KHSRP: variants seen among roughly 807,000 people sequenced by gnomAD.
The protein encoded by KHSRP is KH-type splicing regulatory protein.
KHSRP carries 13 observed loss-of-function variants against 94.9 expected under a neutral mutation model. The ratio of observed to expected loss-of-function variants is 0.14; its 90% CI spans 0.09 to 0.22. The LOEUF (loss-of-function observed/expected upper bound fraction) is 0.22. KHSRP is among the 10% of genes least tolerant of loss of function. KHSRP has a pLI of 1.00. For synonymous variants in KHSRP, 495 were observed against 401.4 expected (o/e 1.23, Z -2.79); for missense variants, 710 against 1,010.0 (o/e 0.70, Z 4.03).
chr19:6,414,788 T>G lies in KHSRP; in HGVS notation c.*236A>C. On this transcript the variant is annotated 3_prime_UTR_variant, in exon 19 of 19. Coordinates refer to ENST00000600480, the MANE Select transcript of KHSRP (RefSeq NM_001366299.1). ...AGTGGCCAGATTGTGAGCGAGGTGG[T>G]GGCGGCCGGGCCGGTGCCCACCGTC... is the stretch of plus-strand genomic sequence containing the variant. 8.7e-7 allele frequency: 1 copy of G among 1,146,720 alleles called. No individual in the cohort carries two copies. The highest frequency in any genetic ancestry group is 1.1e-6 in the Non-Finnish European group (1 of 932,796). The allele number at this position is 1,146,720 out of a possible 1,614,324, so 71.0% of individuals were successfully genotyped here.
chr19:6,420,253 C>G (rs968790256), intron 5 of KHSRP, 109 bp from the exon 6 acceptor site: 1 of 1,161,456 alleles, frequency 8.6e-7, no homozygotes, highest in African/African-American at 1.5e-5. Flanking sequence ...AGGAGGGCAG[C>G]AGTCCTCTAG....
Position 6,418,621 on chromosome 19 carries a change from A to G in KHSRP, c.781-40T>C, listed in dbSNP as rs773218741. 2 of 1,613,082 alleles carry G rather than the reference A, an allele frequency of 1.2e-6. No homozygotes were observed. On this transcript the variant is annotated intron_variant, in intron 8 of 18. Coordinates refer to ENST00000600480, the MANE Select transcript of KHSRP (RefSeq NM_001366299.1). The surrounding 1 kb of genome is among the most constrained non-coding windows in gnomAD (Gnocchi z 4.3). ...TTAACCGTTAGTGCTGGGCTCTCCC[A>G]GGACTTCCTGGGCTGCTGTGGTGGT...
intron 2 of KHSRP, 129 bp downstream of exon 2, chr19:6,422,211 C>T (rs531854709): frequency 8.6e-5 from 54 of 625,906 alleles, no homozygotes; most frequent in South Asian, 8.5e-4. Context: ...TTAACAAGGC[C>T]GGGATTGCTG....
rs1435762120 is a variant in KHSRP at position 6,413,317 on chromosome 19, G to C, written c.*1707C>G. The C allele has an allele frequency of 3.6e-6, 1 of 281,538 alleles. No homozygotes were observed. The highest frequency in any genetic ancestry group is 1.4e-4 in the East Asian group (1 of 7,324). The allele number at this position is 281,538 out of a possible 1,614,324, so 17.4% of individuals were successfully genotyped here. A position where few individuals can be genotyped will look rare whatever the true frequency, so the allele number is the denominator to read the frequency against. The stretch of plus-strand genomic sequence containing the variant: ...TCAAAACTACAGGGAGGGAAGGAAA[G>C]GGGGGGAGACAGACAGCACCCGCAG... On this transcript the variant is annotated 3_prime_UTR_variant, in exon 19 of 19. Coordinates refer to ENST00000600480, the MANE Select transcript of KHSRP (RefSeq NM_001366299.1).
Position 6,418,958 on chromosome 19 carries a change from G to T in KHSRP, c.606-82C>A. ...TCTGGTGGCCCACCCAGCTCAAAGG[G>T]AAGGCGACCCCAGAGTGTGCAAGGA... On this transcript the variant is annotated intron_variant, in intron 7 of 18. Coordinates refer to ENST00000600480, the MANE Select transcript of KHSRP (RefSeq NM_001366299.1). The surrounding 1 kb of genome is among the most constrained non-coding windows in gnomAD (Gnocchi z 4.3). 7.2e-7 allele frequency: 1 copy of T among 1,383,530 alleles called. No individual in the cohort carries two copies. 85.7% of individuals were successfully genotyped at this position (1,383,530 alleles called of 1,614,324 possible). A position where few individuals can be genotyped will look rare whatever the true frequency, so the allele number is the denominator to read the frequency against.
rs1364837747 is a variant in KHSRP at position 6,416,895 on chromosome 19, A to T, written c.1183-13T>A. Reference sequence around the variant, plus strand: ...CTGGGGGACCACTCTGCAAGACAAGAGGAGGAGGAGGATGATGAACCCTGG... The same window carrying T: ...CTGGGGGACCACTCTGCAAGACAAGTGGAGGAGGAGGATGATGAACCCTGG... On this transcript the variant is annotated splice_polypyrimidine_tract_variant and intron_variant, in intron 12 of 18. Transcript: ENST00000600480. 1 of 1,607,908 alleles carries T rather than the reference A, an allele frequency of 6.2e-7. No individual in the cohort carries two copies. The highest frequency in any genetic ancestry group is 8.5e-7 in the Non-Finnish European group (1 of 1,177,654).
rs551924834 is a variant in KHSRP, at chr19:6,416,378, T to A, written c.1518A>T (p.Pro506=). The part of the protein sequence containing the change: ...EGPLCPVGPG[P]GGPGPAGPMG... ...TTGGGCCAGCAGGGCCTGGGCCACCTGGGCCTGGTCCAACTGGGCAGAGAG... is the reference window on the plus strand; with the variant it reads ...TTGGGCCAGCAGGGCCTGGGCCACCAGGGCCTGGTCCAACTGGGCAGAGAG... The change falls in exon 15 of 19, where the codon CCA becomes CCT. Residue 506 remains proline, a synonymous_variant. Transcript: ENST00000600480. The A allele has an allele frequency of 2.9e-5, 47 of 1,612,768 alleles. No homozygotes were observed. Among genetic ancestry groups the A allele is most frequent in the Non-Finnish European group, 3.9e-5 (46 of 1,179,548 alleles).
Position 6,416,656 on chromosome 19 carries a change from G to A in KHSRP, c.1328-6C>T, listed in dbSNP as rs751773127. Reference sequence around the variant, plus strand: ...GGCTTTCACATTCTCGCCACCTGCAGAAACGCAGAAGGTGAAGGTGGCCTG... The same window carrying A: ...GGCTTTCACATTCTCGCCACCTGCAAAAACGCAGAAGGTGAAGGTGGCCTG... On this transcript the variant is annotated splice_region_variant and splice_polypyrimidine_tract_variant and intron_variant, in intron 13 of 18. Transcript: ENST00000600480. 3.1e-6 allele frequency: 5 copies of A among 1,613,760 alleles called. No homozygotes were observed. Among genetic ancestry groups the A allele is most frequent in the African/African-American group, 2.7e-5 (2 of 74,940 alleles).
Position 6,413,264 on chromosome 19 carries a change from C to A in KHSRP, c.*1760G>T. The A allele has an allele frequency of 6.4e-6, 1 of 156,226 alleles. No individual in the cohort carries two copies. The highest frequency in any genetic ancestry group is 1.2e-4 in the South Asian group (1 of 8,302). 9.7% of individuals were successfully genotyped at this position (156,226 alleles called of 1,614,324 possible). On this transcript the variant is annotated 3_prime_UTR_variant, in exon 19 of 19. Transcript: ENST00000600480. ...AATCACCATTATCAGGCTTTTTAAA[C>A]AACATCTATAAAGAACAAACATCCG... is the stretch of plus-strand genomic sequence containing the variant.
In KHSRP at chr19:6,420,453, C is replaced by T; in HGVS notation, c.444G>A (p.Glu148=). Residue 148 remains glutamate, a synonymous_variant, in exon 5 of 19, where the codon GAG becomes GAA. Transcript: ENST00000600480. ...CCACCATGCCGTCTGGGACCCTGTA[C>T]TCTTCTGTCATTGAAGTCCTGTAAA... ...HPPPRTSMTE[E]YRVPDGMVGL... is the part of the protein sequence containing the mutation. 6.2e-7 allele frequency: 1 copy of T among 1,614,022 alleles called. No homozygotes were observed. Among genetic ancestry groups the T allele is most frequent in the Non-Finnish European group, 8.5e-7 (1 of 1,179,872 alleles).
Position 6,413,387 on chromosome 19 carries a change from C to T in KHSRP, c.*1637G>A, listed in dbSNP as rs920660443. 13 of 412,302 alleles carry T rather than the reference C, an allele frequency of 3.2e-5. No individual in the cohort carries two copies. The highest frequency in any genetic ancestry group is 9.1e-5 in the East Asian group (1 of 11,028). 25.5% of individuals were successfully genotyped at this position (412,302 alleles called of 1,614,324 possible). ...ATTTATTTGTGAAGTTAAAAACGAGCGATAAAAAGTAAAAACTGCCATACA... is the reference window on the plus strand; with the variant it reads ...ATTTATTTGTGAAGTTAAAAACGAGTGATAAAAAGTAAAAACTGCCATACA... On this transcript the variant is annotated 3_prime_UTR_variant, in exon 19 of 19. Transcript: ENST00000600480.
chr19:6,413,144 A>AG lies in KHSRP; in HGVS notation c.*1879dup, dbSNP rs551871526. Among the ~76,000 whole-genome samples the AG allele has an allele frequency of 0.15, 17,488 of 116,878 alleles. 1,968 individuals carry two copies. The highest frequency in any genetic ancestry group is 0.26 in the South Asian group (807 of 3,086). 76.7% of individuals were successfully genotyped at this position (116,878 alleles called of 152,430 possible). ...GCACTTTATTTAACAAAAAAAAAAA[A>AG]GGGGGGGGGGCACGGTTAGGAAAGC... On this transcript the variant is annotated 3_prime_UTR_variant, in exon 19 of 19. Coordinates refer to ENST00000600480, the MANE Select transcript of KHSRP (RefSeq NM_001366299.1).
At position 6,418,313 on chromosome 19, in the gene KHSRP, T is replaced by A. The variant is rs1408283653; in HGVS notation, c.879+170A>T. Among the ~76,000 whole-genome samples the A allele has an allele frequency of 5.3e-5, 8 of 152,042 alleles. No homozygotes were observed. The highest frequency in any genetic ancestry group is 1.0e-4 in the Non-Finnish European group (7 of 67,988). On this transcript the variant is annotated intron_variant, in intron 9 of 18. Coordinates refer to ENST00000600480, the MANE Select transcript of KHSRP (RefSeq NM_001366299.1). The surrounding 1 kb of genome is among the most constrained non-coding windows in gnomAD (Gnocchi z 4.3). ...GGCCGGTGCCTCACACACACAAAGC[T>A]GGGAGTCAGTTCAGGGCCATCCTAC...
chr19:6,414,811 G>A lies in KHSRP; in HGVS notation c.*213C>T, dbSNP rs960707657. On this transcript the variant is annotated 3_prime_UTR_variant, in exon 19 of 19. Coordinates refer to ENST00000600480, the MANE Select transcript of KHSRP (RefSeq NM_001366299.1). ...GGTGGCGGCCGGGCCGGTGCCCACC[G>A]TCCGCGCTGTCTGCCTGCCCCCCGA... The A allele has an allele frequency of 3.8e-5, 45 of 1,198,418 alleles. No individual in the cohort carries two copies. Among genetic ancestry groups the A allele is most frequent in the Admixed American group, 1.7e-4 (4 of 23,664 alleles). 74.2% of individuals were successfully genotyped at this position (1,198,418 alleles called of 1,614,324 possible).
chr19:6,414,246 C>T lies in KHSRP; in HGVS notation c.*778G>A. ...CAGGAAGCCCCCTCCCAAACCTGCG[C>T]TGGCTCAGGCTGGAAGGACGTGCTT... is the stretch of plus-strand genomic sequence containing the variant. On this transcript the variant is annotated 3_prime_UTR_variant, in exon 19 of 19. Transcript: ENST00000600480. The T allele has an allele frequency of 1.3e-6, 2 of 1,489,316 alleles. No homozygotes were observed. The highest frequency in any genetic ancestry group is 1.8e-6 in the Non-Finnish European group (2 of 1,118,174). 92.3% of individuals were successfully genotyped at this position (1,489,316 alleles called of 1,614,324 possible). A position where few individuals can be genotyped will look rare whatever the true frequency, so the allele number is the denominator to read the frequency against.
chr19:6,418,475 G>T lies in KHSRP; in HGVS notation c.879+8C>A, dbSNP rs185675259. 137 of 1,610,428 alleles carry T rather than the reference G, an allele frequency of 8.5e-5. No homozygotes were observed. The African/African-American group carries it at 1.7e-3, about 19-fold the overall frequency. On this transcript the variant is annotated splice_region_variant and intron_variant, in intron 9 of 18. Transcript: ENST00000600480. This position sits in a 1 kb window ranked among gnomAD's most constrained non-coding sequence, Gnocchi z 4.3. ...AGAACCCCCTCCACCACCCCAGGGC[G>T]TGCTCACCTGCACTTTGTAAGGATC...
Position 6,418,391 on chromosome 19 carries a change from T to C in KHSRP, c.879+92A>G. The C allele has an allele frequency of 1.1e-6, 1 of 895,456 alleles. No homozygotes were observed. The highest frequency in any genetic ancestry group is 1.8e-6 in the Non-Finnish European group (1 of 555,642). 55.5% of individuals were successfully genotyped at this position (895,456 alleles called of 1,614,324 possible). On this transcript the variant is annotated intron_variant, in intron 9 of 18. Coordinates refer to ENST00000600480, the MANE Select transcript of KHSRP (RefSeq NM_001366299.1). This position sits in a 1 kb window ranked among gnomAD's most constrained non-coding sequence, Gnocchi z 4.3. ...TGTTATGACCGACTGTTCACATATC[T>C]CTCTGGCGGAATGCAGACCCCGAGA... is the stretch of plus-strand genomic sequence containing the variant.
chr19:6,419,306 G>A (rs1387359882), intron 6 of KHSRP, 46 bp from the exon 7 acceptor site: 2 of 1,514,806 alleles, frequency 1.3e-6, no homozygotes, highest in African/African-American at 2.8e-5. Flanking sequence ...CCCACAGGCA[G>A]AGAAAGGCCT....
Position 6,418,011 on chromosome 19 carries a change from C to A in KHSRP, c.948G>T (p.Glu316Asp). The A allele has an allele frequency of 6.2e-7, 1 of 1,614,014 alleles. No individual in the cohort carries two copies. Among genetic ancestry groups the A allele is most frequent in the Non-Finnish European group, 8.5e-7 (1 of 1,179,872 alleles). Residue 316 changes from glutamate (E) to aspartate (D), a missense_variant, in exon 10 of 19, where the codon GAG becomes GAT. Around this residue, in one of 5 missense-constraint regions of KHSRP, gnomAD observed 288 missense variants for 501.1 expected, o/e 0.57. Transcript: ENST00000600480. This position sits in a 1 kb window ranked among gnomAD's most constrained non-coding sequence, Gnocchi z 4.3. ...TGCCTCCGCCAATCCGAGATCCGTA[C>A]TCATTCCGGTCCCCAAAGCCGCCTT... Reference protein sequence around the residue: ...RDQGGFGDRNEYGSRIGGGID... With the variant: ...RDQGGFGDRNDYGSRIGGGID...
Sources: allele counts gnomAD v4.1 joint callset (sites outside exome capture counted in the v4.1 genomes callset), GRCh38; gene constraint gnomAD v4.1.1; regional missense constraint gnomAD v4.1.1; non-coding constraint Gnocchi (gnomAD v3.1); transcripts MANE v1.5; gene names NCBI Gene and HGNC (gene_info 2026-07-23, HGNC 2026-07-21).